The following PKHD1L1 variants were observed in gnomAD, a reference collection of about 807,000 sequenced individuals.
The protein encoded by PKHD1L1 is fibrocystin-L.
PKHD1L1 carries 434 observed loss-of-function variants against 462.9 expected under a neutral mutation model. The observed-to-expected ratio is 0.94, with a 90% CI of 0.87 to 1.02. The LOEUF is 1.02. Ranked by LOEUF, PKHD1L1 falls within the 50% of genes least tolerant of loss-of-function variation. The probability of loss-of-function intolerance (pLI) is 0.00; values close to 1 mark genes in which losing one functional copy is unlikely to be tolerated. For synonymous variants in PKHD1L1, 1,781 were observed against 1,750.0 expected (o/e 1.02, Z -0.44); for missense variants, 5,202 against 5,096.1 (o/e 1.02, Z -0.63).
At chr8:109,369,791 G>A (rs547817251) in intron 2 of PKHD1L1, among the ~76,000 whole-genome samples, 8 of 152,262 alleles carry the variant, frequency 5.3e-5, no homozygotes, top group Middle Eastern at 3.4e-3. Context: ...CACGTAACTT[G>A]CTTTGCAGTG....
At chr8:109,485,783 A>G (rs566855786) in intron 58 of PKHD1L1, among the ~76,000 whole-genome samples, 211 of 152,086 alleles carry the variant, frequency 1.4e-3, no homozygotes, top group African/African-American at 4.7e-3. Flanking sequence ...GCAAGACAGC[A>G]TGATAGACTA....
intron 22 of PKHD1L1, 148 bp from the exon 23 acceptor site, chr8:109,420,370 T>C: frequency 2.1e-6 from 1 of 482,976 alleles, no homozygotes; most frequent in Non-Finnish European, 3.5e-6. Context: ...TGATTTTAAA[T>C]ACTTCATGAC....
At position 109,483,148 on chromosome 8, in the gene PKHD1L1, G is replaced by A. The variant is rs376081155; in HGVS notation, c.9576+43G>A. 9 of 1,386,910 alleles carry A rather than the reference G, an allele frequency of 6.5e-6. No homozygotes were observed. In the African/African-American group the frequency reaches 1.3e-4, roughly 21 times the overall value. 85.9% of individuals were successfully genotyped at this position (1,386,910 alleles called of 1,614,324 possible). ...GTAATGGAAAATGAATATACACAGT[G>A]GGTCAGCTGAAAAAAGTTTCTATTC... is the stretch of plus-strand genomic sequence containing the variant. On this transcript the variant is annotated intron_variant, in intron 57 of 77. Coordinates refer to ENST00000378402, the MANE Select transcript of PKHD1L1 (RefSeq NM_177531.6).
intron 76 of PKHD1L1, among the ~76,000 whole-genome samples, chr8:109,523,778 G>C (rs913377979): frequency 6.6e-6 from 1 of 152,178 alleles, no homozygotes; most frequent in African/African-American, 2.4e-5. Context: ...GGGCTAGAAA[G>C]TTGGCTGTGG....
At chr8:109,437,424 T>C (rs1446688996) in intron 30 of PKHD1L1, among the ~76,000 whole-genome samples, 1 of 151,910 alleles carries the variant, frequency 6.6e-6, no homozygotes, top group East Asian at 1.9e-4. Context: ...ACATGTGCCA[T>C]GTTGGTGTGC....
intron 4 of PKHD1L1, 119 bp from the exon 5 acceptor site, chr8:109,383,951 C>T: frequency 1.3e-6 from 1 of 746,764 alleles, no homozygotes. Flanking sequence ...ATCTTCTTTC[C>T]TACATGACAG....
In PKHD1L1 at chr8:109,532,379, G is replaced by A. The variant is rs1821061046; in HGVS notation, c.*2289G>A. 6.6e-6 allele frequency among the ~76,000 whole-genome samples: 1 copy of A among 151,898 alleles called. No individual in the cohort carries two copies. Among genetic ancestry groups the A allele is most frequent in the African/African-American group, 2.4e-5 (1 of 41,358 alleles). ...TTAATTACTACTTTTAAAAATGCTT[G>A]AATTATTGGAATCCATGGGCAATAC... On this transcript the variant is annotated 3_prime_UTR_variant, in exon 78 of 78. Coordinates refer to ENST00000378402, the MANE Select transcript of PKHD1L1 (RefSeq NM_177531.6).
chr8:109,443,254 T>C (rs772507141), intron 36 of PKHD1L1, 138 bp downstream of exon 36: 2 of 755,614 alleles, frequency 2.6e-6, no homozygotes, highest in African/African-American at 3.5e-5. Context: ...GGTTTGGGCT[T>C]CTCTGAGGCT....
chr8:109,444,852 T>C lies in PKHD1L1; in HGVS notation c.4983T>C (p.Ile1661=). ...FDRRFVLLPN[I]DLVLPNAGST... ...GGCGATTTGTACTTTTGCCAAACAT[T>C]GACCTGGTGTTGCCAAATGCAGGAT... Residue 1661 remains isoleucine (I), a synonymous_variant, in exon 38 of 78, where the codon ATT becomes ATC. Transcript: ENST00000378402. 1 of 1,614,010 alleles carries C rather than the reference T, an allele frequency of 6.2e-7. No homozygotes were observed. The highest frequency in any genetic ancestry group is 8.5e-7 in the Non-Finnish European group (1 of 1,179,872).
Position 109,530,228 on chromosome 8 carries a change from G to A in PKHD1L1, c.*138G>A. On this transcript the variant is annotated 3_prime_UTR_variant, in exon 78 of 78. Coordinates refer to ENST00000378402, the MANE Select transcript of PKHD1L1 (RefSeq NM_177531.6). ...TATGATATATAAAATGTACTAATTA[G>A]CTTTAAACACTAAAATCAGATTTCT... 1 of 392,448 alleles carries A rather than the reference G, an allele frequency of 2.5e-6. No individual in the cohort carries two copies. Among genetic ancestry groups the A allele is most frequent in the Non-Finnish European group, 4.4e-6 (1 of 228,998 alleles). 24.3% of individuals were successfully genotyped at this position (392,448 alleles called of 1,614,324 possible). A position where few individuals can be genotyped will look rare whatever the true frequency, so the allele number is the denominator to read the frequency against.
At chr8:109,493,122 A>T (rs1818914245) in intron 62 of PKHD1L1, among the ~76,000 whole-genome samples, 1 of 150,924 alleles carries the variant, frequency 6.6e-6, no homozygotes, top group Admixed American at 6.6e-5. Flanking sequence ...GCTTAAGCTT[A>T]GGAGTTTGAG....
chr8:109,504,302 C>A, intron 67 of PKHD1L1, 25 bp from the exon 68 acceptor site: 1 of 1,295,294 alleles, frequency 7.7e-7, no homozygotes. Context: ...AGAAAATAAT[C>A]ACTTATCTAT....
rs904236208 is a variant in PKHD1L1, at chr8:109,468,909, T to C, written c.8605+2140T>C. The stretch of plus-strand genomic sequence containing the variant: ...AAATAGGTAAGAAGCAGTGAATTTC[T>C]ACCTAGGTAATTTGAGTTAGACTTC... On this transcript the variant is annotated intron_variant, in intron 50 of 77. Transcript: ENST00000378402. Among the ~76,000 whole-genome samples, 3 of 152,204 alleles carry C rather than the reference T, an allele frequency of 2.0e-5. No individual in the cohort carries two copies. In the East Asian group the frequency reaches 5.8e-4, roughly 29 times the overall value.
chr8:109,484,253 T>C (rs1245248973), intron 57 of PKHD1L1, among the ~76,000 whole-genome samples: 2 of 151,866 alleles, frequency 1.3e-5, no homozygotes, highest in Non-Finnish European at 1.5e-5. Flanking sequence ...GATTTTGATA[T>C]CCCTATTATT....
chr8:109,456,844 G>T (rs1816853176), intron 46 of PKHD1L1, among the ~76,000 whole-genome samples: 1 of 152,114 alleles, frequency 6.6e-6, no homozygotes, highest in Non-Finnish European at 1.5e-5. Flanking sequence ...TTATCTTACA[G>T]CCTTAGCAAA....
chr8:109,522,999 G>A, intron 75 of PKHD1L1, 109 bp downstream of exon 75: 1 of 1,226,338 alleles, frequency 8.2e-7, no homozygotes, highest in East Asian at 2.6e-5. Context: ...GGATCACACG[G>A]CCCTTTCAGA....
At chr8:109,457,756 A>G (rs1816904171) in intron 46 of PKHD1L1, among the ~76,000 whole-genome samples, 1 of 152,204 alleles carries the variant, frequency 6.6e-6, no homozygotes, top group Non-Finnish European at 1.5e-5. Context: ...TTATATTACA[A>G]CAAAGGAAGG....
chr8:109,395,825 G>A (rs1345040130), intron 10 of PKHD1L1, among the ~76,000 whole-genome samples: 1 of 152,178 alleles, frequency 6.6e-6, no homozygotes, highest in Non-Finnish European at 1.5e-5. Flanking sequence ...CTCATGGAAT[G>A]TAAGTCTCTG....
chr8:109,505,669 C>T (rs1211636171), intron 68 of PKHD1L1, among the ~76,000 whole-genome samples: 2 of 152,108 alleles, frequency 1.3e-5, no homozygotes, highest in African/African-American at 4.8e-5. Context: ...GAGGCTGAGG[C>T]AGGAGGATTG....
Sources: allele counts gnomAD v4.1 joint callset (sites outside exome capture counted in the v4.1 genomes callset), GRCh38; gene constraint gnomAD v4.1.1; transcripts MANE v1.5; gene names NCBI Gene and HGNC (gene_info 2026-07-23, HGNC 2026-07-21).